CACNA2D1: variants seen among roughly 807,000 people sequenced by gnomAD.
CACNA2D1 encodes the protein calcium voltage-gated channel auxiliary subunit alpha2delta 1, also known as voltage-dependent calcium channel subunit alpha-2/delta-1.
A neutral mutation model predicts 171.5 loss-of-function variants in CACNA2D1; 53 were observed. The observed-to-expected ratio is 0.31, with a 90% CI of 0.25 to 0.39. The LOEUF (loss-of-function observed/expected upper bound fraction) is 0.39, where lower values mean the gene tolerates loss of function less well. Among genes scored for constraint, CACNA2D1 ranks in the 10% least tolerant of loss-of-function variants. The pLI, the probability that CACNA2D1 is intolerant of heterozygous loss-of-function variation, is 1.00. For synonymous variants in CACNA2D1, 442 were observed against 443.1 expected, an observed-to-expected ratio of 1.00 and a Z score of 0.03; for missense variants, 903 against 1,299.8, an observed-to-expected ratio of 0.69 and a Z score of 4.69.
At chr7:81,970,017 T>C in intron 27 of CACNA2D1, 33 bp from the exon 28 acceptor site, 1 of 1,219,122 alleles carries the variant, frequency 8.2e-7, no homozygotes, top group South Asian at 1.2e-5. Context: ...TTTGTATTCT[T>C]TAATCTACCT....
At chr7:82,034,219 C>A (rs1803037780) in intron 11 of CACNA2D1, among the ~76,000 whole-genome samples, 1 of 151,972 alleles carries the variant, frequency 6.6e-6, no homozygotes, top group Non-Finnish European at 1.5e-5. Context: ...TTGTTGTTAC[C>A]ATATTGTACA....
intron 3 of CACNA2D1, among the ~76,000 whole-genome samples, chr7:82,282,695 T>C (rs1262151548): frequency 8.8e-6 from 1 of 113,508 alleles, no homozygotes; most frequent in Non-Finnish European, 1.8e-5. Flanking sequence ...TAAATAAAAT[T>C]GTAAAATGTG....
At chr7:82,145,668 A>T (rs1317029026) in intron 4 of CACNA2D1, among the ~76,000 whole-genome samples, 1 of 146,340 alleles carries the variant, frequency 6.8e-6, no homozygotes, top group Non-Finnish European at 1.5e-5. Flanking sequence ...ATATATGCAC[A>T]TACATACATA....
intron 4 of CACNA2D1, among the ~76,000 whole-genome samples, chr7:82,147,827 G>A (rs904778963): frequency 1.2e-4 from 19 of 152,110 alleles, no homozygotes; most frequent in Non-Finnish European, 2.2e-4. Context: ...AAGAACATTA[G>A]GTTGGTAATC....
intron 1 of CACNA2D1, among the ~76,000 whole-genome samples, chr7:82,371,853 C>A (rs1227710799): frequency 6.6e-6 from 1 of 152,140 alleles, no homozygotes; most frequent in Non-Finnish European, 1.5e-5. Flanking sequence ...ACGTGAGCCA[C>A]CATGCCCAGC....
chr7:82,074,954 C>G lies in CACNA2D1; in HGVS notation c.659-8430G>C, dbSNP rs1333599215. ...GGTACACATGTGCCACGTTGGTCTG[C>G]TACACCCATCAACCCGTCATCTACA... On this transcript the variant is annotated intron_variant, in intron 7 of 38. Transcript: ENST00000356860. 4.6e-5 allele frequency among the ~76,000 whole-genome samples: 7 copies of G among 152,050 alleles called. No homozygotes were observed. The East Asian group carries it at 1.4e-3, about 29-fold the overall frequency.
intron 1 of CACNA2D1, among the ~76,000 whole-genome samples, chr7:82,408,867 T>G (rs528429138): frequency 6.6e-6 from 1 of 152,278 alleles, no homozygotes; most frequent in African/African-American, 2.4e-5. Context: ...GAAGACAATT[T>G]AAGGCAATTT....
intron 3 of CACNA2D1, among the ~76,000 whole-genome samples, chr7:82,203,405 C>T (rs1043981623): frequency 2.3e-4 from 35 of 152,128 alleles, no homozygotes; most frequent in Non-Finnish European, 3.7e-4. Flanking sequence ...CACGGGAGGG[C>T]GACAATGAAC....
chr7:82,226,182 A>C (rs2129266061), intron 3 of CACNA2D1, among the ~76,000 whole-genome samples: 1 of 152,308 alleles, frequency 6.6e-6, no homozygotes, highest in Non-Finnish European at 1.5e-5. Flanking sequence ...ACTGTCATAA[A>C]CCAAAGACTC....
At chr7:82,362,273 C>G (rs1439994827) in intron 1 of CACNA2D1, among the ~76,000 whole-genome samples, 4 of 152,126 alleles carry the variant, frequency 2.6e-5, no homozygotes, top group Non-Finnish European at 5.9e-5. Context: ...CCTAGTGCTC[C>G]ATTTAGAGCA....
intron 6 of CACNA2D1, among the ~76,000 whole-genome samples, chr7:82,116,109 G>A (rs755177991): frequency 7.2e-5 from 11 of 152,142 alleles, no homozygotes; most frequent in African/African-American, 2.4e-4. Flanking sequence ...CAAGAAACAC[G>A]TTCTTTACAA....
intron 1 of CACNA2D1, among the ~76,000 whole-genome samples, chr7:82,436,678 A>C (rs1830139926): frequency 6.6e-6 from 1 of 152,148 alleles, no homozygotes; most frequent in Admixed American, 6.5e-5. Flanking sequence ...TGCACCTCAT[A>C]AATCTGAGGG....
intron 3 of CACNA2D1, among the ~76,000 whole-genome samples, chr7:82,265,416 C>CTTTTTTTTTTTTTTT (rs765047961): frequency 1.3e-5 from 1 of 77,294 alleles, no homozygotes; most frequent in Non-Finnish European, 2.6e-5. Context: ...TTTTTCCTTT[C>CTTTTTTTTTTTTTTT]TTTTTTTTTT....
chr7:82,039,137 T>C (rs1803653315), intron 10 of CACNA2D1, among the ~76,000 whole-genome samples: 1 of 152,148 alleles, frequency 6.6e-6, no homozygotes, highest in Non-Finnish European at 1.5e-5. Flanking sequence ...AAAAAAAGCA[T>C]ATTTGCCAGA....
At chr7:82,187,647 A>G (rs1308344750) in intron 3 of CACNA2D1, among the ~76,000 whole-genome samples, 1 of 152,176 alleles carries the variant, frequency 6.6e-6, no homozygotes, top group Non-Finnish European at 1.5e-5. Context: ...AAATCAGTCA[A>G]CTTGGTTTAA....
chr7:82,286,507 T>C (rs1432054416), intron 3 of CACNA2D1, among the ~76,000 whole-genome samples: 1 of 152,206 alleles, frequency 6.6e-6, no homozygotes, highest in Non-Finnish European at 1.5e-5. Context: ...AAGTATCTTA[T>C]AGCTTTTTAT....
At position 81,965,547 on chromosome 7, in the gene CACNA2D1, G is replaced by C. The variant is rs775960466; in HGVS notation, c.2574+47C>G. ...AAGAGGTTTTGTAATGTTGATCCGG[G>C]AAACACACTTTGGAAAGCCTAATTC... On this transcript the variant is annotated intron_variant, in intron 32 of 38. Coordinates refer to ENST00000356860, the MANE Select transcript of CACNA2D1 (RefSeq NM_000722.4). 7.2e-6 allele frequency: 7 copies of C among 975,762 alleles called. No individual in the cohort carries two copies. In the Admixed American group the frequency reaches 8.5e-5, roughly 12 times the overall value. The allele number at this position is 975,762 out of a possible 1,614,324, so 60.4% of individuals were successfully genotyped here.
chr7:82,038,770 AG>A (rs753383366), intron 10 of CACNA2D1, among the ~76,000 whole-genome samples: 64 of 152,332 alleles, frequency 4.2e-4, no homozygotes, highest in Non-Finnish European at 8.5e-4. Flanking sequence ...AACAACTGGT[AG>A]CCTTTTAGAA....
intron 4 of CACNA2D1, among the ~76,000 whole-genome samples, chr7:82,166,355 T>G (rs1795452319): frequency 6.6e-6 from 1 of 152,050 alleles, no homozygotes; most frequent in Admixed American, 6.6e-5. Flanking sequence ...ATGTTTTATT[T>G]ACCGGCCAAT....
Sources: allele counts gnomAD v4.1 joint callset (sites outside exome capture counted in the v4.1 genomes callset), GRCh38; gene constraint gnomAD v4.1.1; transcripts MANE v1.5; gene names NCBI Gene and HGNC (gene_info 2026-07-23, HGNC 2026-07-21).